DMD: variants seen among roughly 807,000 people sequenced by gnomAD.
DMD encodes mutant dystrophin.
A neutral mutation model predicts 330.1 loss-of-function variants in DMD; 63 were observed. The ratio of observed to expected loss-of-function variants is 0.19; its 90% CI spans 0.16 to 0.24. DMD has a LOEUF of 0.24. Among genes scored for constraint, DMD ranks in the 10% least tolerant of loss-of-function variants. DMD has a pLI of 1.00. For synonymous variants in DMD, 1,223 were observed against 959.8 expected, an observed-to-expected ratio of 1.27 and a Z score of -5.07; for missense variants, 3,344 against 2,684.1, an observed-to-expected ratio of 1.25 and a Z score of -5.43.
At chrX:32,382,480 A>G (rs923278075) in intron 33 of DMD, among the ~76,000 whole-genome samples, 1 of 111,772 alleles carries the variant, frequency 8.9e-6, no homozygotes, top group Non-Finnish European at 1.9e-5. Flanking sequence ...ATCGAAATAA[A>G]TATTCTGGAA....
chrX:33,335,471 T>G (rs1271719668), intron 1 of DMD, among the ~76,000 whole-genome samples: 1 of 110,881 alleles, frequency 9.0e-6, no homozygotes, highest in African/African-American at 3.3e-5. Context: ...AAGCTTTAAC[T>G]CTCTCATGTC....
intron 60 of DMD, among the ~76,000 whole-genome samples, chrX:31,383,096 C>A (rs944164037): frequency 9.0e-6 from 1 of 111,402 alleles, no homozygotes; most frequent in Admixed American, 9.6e-5. Flanking sequence ...CTTGCCTTAA[C>A]TGATGACATT....
chrX:31,374,180 T>C (rs2059757014), intron 60 of DMD, among the ~76,000 whole-genome samples: 1 of 79,739 alleles, frequency 1.3e-5, no homozygotes, highest in African/African-American at 5.5e-5. Context: ...CAACAGGTGC[T>C]GGAGAGGATG....
chrX:31,803,684 CT>C (rs1260913208), intron 50 of DMD, among the ~76,000 whole-genome samples: 4 of 86,903 alleles, frequency 4.6e-5, no homozygotes, highest in African/African-American at 1.7e-4. Flanking sequence ...GTTTCTCTCT[CT>C]CTCTCTCTCT....
intron 30 of DMD, among the ~76,000 whole-genome samples, chrX:32,396,641 G>A (rs1225131770): frequency 9.0e-6 from 1 of 110,567 alleles, no homozygotes; most frequent in Non-Finnish European, 1.9e-5. Flanking sequence ...CATCATACAA[G>A]TAGATTTGGA....
chrX:32,422,005 C>T (rs1382217701), intron 29 of DMD, among the ~76,000 whole-genome samples: 5 of 111,420 alleles, frequency 4.5e-5, no homozygotes, highest in Non-Finnish European at 9.4e-5. Flanking sequence ...TCCTAGAAAG[C>T]GTTCATTCTA....
chrX:32,947,489 TG>T (rs1167451827), intron 2 of DMD, among the ~76,000 whole-genome samples: 1 of 111,720 alleles, frequency 9.0e-6, no homozygotes, highest in Non-Finnish European at 1.9e-5. Context: ...TTTTTAAAAA[TG>T]AAAATAGTTT....
rs1443736200 is a variant in DMD at position 32,632,976 on chromosome X, G to A, written c.1331+11156C>T. 3.6e-5 allele frequency among the ~76,000 whole-genome samples: 4 copies of A among 112,274 alleles called. No individual in the cohort carries two copies. In the Admixed American group the frequency reaches 3.8e-4, roughly 11 times the overall value. Reference sequence around the variant, plus strand: ...AGTGGTTGCTCAGAAGCCTTCTTGAGTTCTCCTGAAAATGGGCTTTTATTT... The same window carrying A: ...AGTGGTTGCTCAGAAGCCTTCTTGAATTCTCCTGAAAATGGGCTTTTATTT... On this transcript the variant is annotated intron_variant, in intron 11 of 78. Coordinates refer to ENST00000357033, the MANE Select transcript of DMD (RefSeq NM_004006.3).
chrX:32,108,967 T>C (rs1454132106), intron 44 of DMD, among the ~76,000 whole-genome samples: 2 of 111,619 alleles, frequency 1.8e-5, no homozygotes, highest in African/African-American at 6.5e-5. Flanking sequence ...TATTAGGAAA[T>C]GTTTGAACAT....
intron 51 of DMD, among the ~76,000 whole-genome samples, chrX:31,759,461 A>T (rs2089400199): frequency 9.0e-6 from 1 of 111,702 alleles, no homozygotes; most frequent in African/African-American, 3.2e-5. Flanking sequence ...ATTTGAAATA[A>T]CAAAAGAGAT....
At chrX:31,831,184 T>C (rs2149468979) in intron 49 of DMD, among the ~76,000 whole-genome samples, 1 of 112,184 alleles carries the variant, frequency 8.9e-6, no homozygotes, top group East Asian at 2.8e-4. Context: ...GCTTGTAATC[T>C]TGGCCAGAGG....
chrX:33,331,888 G>A (rs1464792754), intron 1 of DMD, among the ~76,000 whole-genome samples: 1 of 111,654 alleles, frequency 9.0e-6, no homozygotes, highest in African/African-American at 3.2e-5. Flanking sequence ...TAATTTATAT[G>A]TTTATAATTT....
At chrX:31,641,993 T>C (rs1228101375) in intron 54 of DMD, among the ~76,000 whole-genome samples, 3 of 112,007 alleles carry the variant, frequency 2.7e-5, no homozygotes, top group South Asian at 3.7e-4. Context: ...CTGAGTACTA[T>C]GAGCAACACT....
At chrX:32,707,297 T>C (rs2064763871) in intron 7 of DMD, among the ~76,000 whole-genome samples, 1 of 111,876 alleles carries the variant, frequency 8.9e-6, no homozygotes. Context: ...AATTCTCAGT[T>C]TACCACTTGC....
At chrX:32,168,574 A>G (rs1270513678) in intron 44 of DMD, among the ~76,000 whole-genome samples, 1 of 109,822 alleles carries the variant, frequency 9.1e-6, no homozygotes, top group Non-Finnish European at 1.9e-5. Context: ...CAAAAAAACT[A>G]AATTCCCTCA....
At chrX:32,140,371 C>T (rs1436563311) in intron 44 of DMD, among the ~76,000 whole-genome samples, 1 of 111,966 alleles carries the variant, frequency 8.9e-6, no homozygotes, top group Non-Finnish European at 1.9e-5. Context: ...ATATAAATCA[C>T]TGACAAAATA....
At chrX:32,231,105 T>C (rs2097167697) in intron 43 of DMD, among the ~76,000 whole-genome samples, 1 of 112,317 alleles carries the variant, frequency 8.9e-6, no homozygotes, top group Non-Finnish European at 1.9e-5. Flanking sequence ...GCTATTGTAA[T>C]TGGGCAAACC....
At chrX:32,592,043 G>A (rs1380022059) in intron 13 of DMD, among the ~76,000 whole-genome samples, 2 of 112,186 alleles carry the variant, frequency 1.8e-5, no homozygotes, top group African/African-American at 3.2e-5. Context: ...GAGAGGCTGA[G>A]TGGGGACTGA....
At chrX:31,664,674 T>G (rs1413201622) in intron 53 of DMD, among the ~76,000 whole-genome samples, 1 of 106,293 alleles carries the variant, frequency 9.4e-6, no homozygotes, top group Non-Finnish European at 1.9e-5. Context: ...GTTTTTTTTT[T>G]TTTTTTTTTA....
Sources: gnomAD v4.1 joint callset for allele counts (sites outside exome capture counted in the v4.1 genomes callset) on GRCh38, gnomAD v4.1.1 for gene constraint, MANE v1.5 for transcripts, NCBI Gene and HGNC (gene_info 2026-07-23, HGNC 2026-07-21) for gene names.